Variants in ANKS1B observed in about 807,000 individuals in gnomAD.
ANKS1B encodes the protein ankyrin repeat and sterile alpha motif domain-containing protein 1B.
Under a neutral mutation model 148.3 loss-of-function variants are expected in ANKS1B, and 36 were observed. The observed-to-expected ratio is 0.24, with a 90% CI of 0.19 to 0.32. The LOEUF (loss-of-function observed/expected upper bound fraction) is 0.32, where lower values mean the gene tolerates loss of function less well. Ranked by LOEUF, ANKS1B falls within the 10% of genes least tolerant of loss-of-function variation. The probability of loss-of-function intolerance (pLI) is 1.00; values close to 1 mark genes in which losing one functional copy is unlikely to be tolerated. For missense variants in ANKS1B, 1,157 were observed against 1,542.6 expected, an observed-to-expected ratio of 0.75 and a Z score of 4.19; for synonymous variants, 542 against 560.8, an observed-to-expected ratio of 0.97 and a Z score of 0.47.
rs550821158 is a variant in ANKS1B, at chr12:98,966,340, C to T, written c.2778+86817G>A. ...CCATCAGAGAAATGCAAATCAAAAC[C>T]ATAATGAGATACCATCTCACACCAG... On this transcript the variant is annotated intron_variant, in intron 17 of 26. Transcript: ENST00000683438. 2.5e-3 allele frequency among the ~76,000 whole-genome samples: 387 copies of T among 152,240 alleles called. 9 individuals are homozygous for T. In the East Asian group the frequency reaches 0.044, roughly 17 times the overall value.
In ANKS1B at chr12:98,829,449, G is replaced by T; in HGVS notation, c.2887-96C>A. 1 of 1,270,772 alleles carries T rather than the reference G, an allele frequency of 7.9e-7. No homozygotes were observed. The highest frequency in any genetic ancestry group is 1.1e-6 in the Non-Finnish European group (1 of 920,284). 78.7% of individuals were successfully genotyped at this position (1,270,772 alleles called of 1,614,324 possible). Reference sequence around the variant, plus strand: ...ACTGACAAGACAAACTGTGGGGGTGGGGAGTCGCTTTTGAAGCAACAGCCA... The same window carrying T: ...ACTGACAAGACAAACTGTGGGGGTGTGGAGTCGCTTTTGAAGCAACAGCCA... On this transcript the variant is annotated intron_variant, in intron 18 of 26. Transcript: ENST00000683438. This position sits in a 1 kb window ranked among gnomAD's most constrained non-coding sequence, Gnocchi z 5.2.
chr12:99,794,525 A>G (rs1047877911), intron 4 of ANKS1B, among the ~76,000 whole-genome samples: 2 of 151,074 alleles, frequency 1.3e-5, no homozygotes, highest in African/African-American at 4.9e-5. Flanking sequence ...ACAAAAAAGA[A>G]TAAGATTCTG....
chr12:99,753,299 A>C (rs2061280241), intron 8 of ANKS1B, among the ~76,000 whole-genome samples: 1 of 152,128 alleles, frequency 6.6e-6, no homozygotes, highest in South Asian at 2.1e-4. Context: ...GAGCAAACAC[A>C]CCATGCAAGA....
chr12:99,684,402 T>G (rs1172631496), intron 8 of ANKS1B, among the ~76,000 whole-genome samples: 3 of 149,340 alleles, frequency 2.0e-5, no homozygotes, highest in Non-Finnish European at 4.4e-5. Context: ...AAGAAATACT[T>G]AGGAATACAT....
intron 17 of ANKS1B, among the ~76,000 whole-genome samples, chr12:98,845,454 A>C (rs2099450197): frequency 6.6e-6 from 1 of 152,074 alleles, no homozygotes; most frequent in Non-Finnish European, 1.5e-5. Context: ...TCTCCCAGAG[A>C]CTCATTAAAT....
chr12:99,299,214 C>A (rs2081289197), intron 12 of ANKS1B, among the ~76,000 whole-genome samples: 1 of 152,070 alleles, frequency 6.6e-6, no homozygotes, highest in African/African-American at 2.4e-5. Flanking sequence ...GTGTGCGCTA[C>A]CATGCCTGGC....
intron 8 of ANKS1B, among the ~76,000 whole-genome samples, chr12:99,657,659 A>ATATATATATATATGTATATT (rs66516058): frequency 6.8e-6 from 1 of 146,800 alleles, no homozygotes. Flanking sequence ...ATATATATAT[A>ATATATATATATATGTATATT]TGATAAAGTT....
intron 9 of ANKS1B, among the ~76,000 whole-genome samples, chr12:99,584,390 A>G (rs1435090630): frequency 6.6e-6 from 1 of 152,186 alleles, no homozygotes; most frequent in Non-Finnish European, 1.5e-5. Context: ...GCTTGAGCCC[A>G]GGAGTTTGAG....
intron 22 of ANKS1B, among the ~76,000 whole-genome samples, chr12:98,782,490 T>C (rs973520280): frequency 6.6e-6 from 1 of 152,238 alleles, no homozygotes; most frequent in Non-Finnish European, 1.5e-5. Flanking sequence ...TCTTGATTTA[T>C]TCATTTATAT....
intron 17 of ANKS1B, among the ~76,000 whole-genome samples, chr12:98,945,216 C>T (rs1486029262): frequency 6.6e-6 from 1 of 152,106 alleles, no homozygotes; most frequent in Non-Finnish European, 1.5e-5. Context: ...AACAGAAGGG[C>T]CCAGCATGTT....
intron 1 of ANKS1B, among the ~76,000 whole-genome samples, chr12:99,982,297 T>C (rs1216143717): frequency 6.6e-6 from 1 of 151,072 alleles, no homozygotes; most frequent in Non-Finnish European, 1.5e-5. Context: ...CATTAAATAC[T>C]TGGTGTTTTA....
At chr12:99,268,194 C>T (rs905086050) in intron 12 of ANKS1B, among the ~76,000 whole-genome samples, 1 of 152,156 alleles carries the variant, frequency 6.6e-6, no homozygotes, top group Non-Finnish European at 1.5e-5. Context: ...CATTTAAGAA[C>T]TGGGAGATGT....
intron 12 of ANKS1B, among the ~76,000 whole-genome samples, chr12:99,288,115 T>G (rs2079390890): frequency 6.6e-6 from 1 of 152,118 alleles, no homozygotes; most frequent in African/African-American, 2.4e-5. Context: ...TTAAGTCTTT[T>G]AATAATCAAA....
intron 1 of ANKS1B, among the ~76,000 whole-genome samples, chr12:99,863,898 C>G (rs1418713550): frequency 1.3e-5 from 2 of 150,928 alleles, no homozygotes; most frequent in African/African-American, 4.9e-5. Context: ...AGTGAAACTC[C>G]TTCTCTACTA....
At chr12:99,828,460 C>A (rs148060530) in intron 1 of ANKS1B, among the ~76,000 whole-genome samples, 247 of 152,220 alleles carry the variant, frequency 1.6e-3, no homozygotes, top group African/African-American at 5.6e-3. Context: ...AACCTCCACT[C>A]TCAAATATGA....
At chr12:99,642,413 T>G (rs1200336474) in intron 9 of ANKS1B, among the ~76,000 whole-genome samples, 5 of 152,182 alleles carry the variant, frequency 3.3e-5, no homozygotes. Flanking sequence ...GTATTATAGC[T>G]TAAAATAACA....
At chr12:99,300,485 A>C (rs188741551) in intron 12 of ANKS1B, among the ~76,000 whole-genome samples, 5 of 152,266 alleles carry the variant, frequency 3.3e-5, no homozygotes, top group Admixed American at 2.0e-4. Context: ...AGAAAAAAAA[A>C]ACAACACAGA....
At chr12:98,802,153 G>A (rs1174384621) in intron 20 of ANKS1B, among the ~76,000 whole-genome samples, 1 of 152,100 alleles carries the variant, frequency 6.6e-6, no homozygotes, top group Non-Finnish European at 1.5e-5. Context: ...ACCTAGATTT[G>A]GCTATATATA....
At chr12:99,962,035 A>G (rs546625170) in intron 1 of ANKS1B, among the ~76,000 whole-genome samples, 2 of 152,304 alleles carry the variant, frequency 1.3e-5, no homozygotes, top group East Asian at 3.9e-4. Flanking sequence ...TTTCTTGTGT[A>G]TTAAGTATGA....
Sources: gnomAD v4.1 joint callset for allele counts (sites outside exome capture counted in the v4.1 genomes callset) on GRCh38, gnomAD v4.1.1 for gene constraint, Gnocchi (gnomAD v3.1) non-coding constraint, MANE v1.5 for transcripts, NCBI Gene and HGNC (gene_info 2026-07-23, HGNC 2026-07-21) for gene names.